EFCAB6: variants seen among roughly 807,000 people sequenced by gnomAD.
EFCAB6 encodes the protein EF-hand calcium-binding domain-containing protein 6.
Under a neutral mutation model 169.8 loss-of-function variants are expected in EFCAB6, and 156 were observed. That is an observed-to-expected ratio of 0.92 (90% CI 0.81 to 1.05). The LOEUF (loss-of-function observed/expected upper bound fraction) is 1.05. Among genes scored for constraint, EFCAB6 ranks in the 50% least tolerant of loss-of-function variants. The pLI, the probability that EFCAB6 is intolerant of heterozygous loss-of-function variation, is 0.00. For missense variants in EFCAB6, 1,800 were observed against 1,829.1 expected, an observed-to-expected ratio of 0.98 and a Z score of 0.29; for synonymous variants, 698 against 676.4, an observed-to-expected ratio of 1.03 and a Z score of -0.50.
chr22:43,674,114 TA>T (rs1402203621), intron 13 of EFCAB6, among the ~76,000 whole-genome samples: 1 of 152,164 alleles, frequency 6.6e-6, no homozygotes, highest in Non-Finnish European at 1.5e-5. Flanking sequence ...AAGCTGTTTT[TA>T]AAAAACAGAA....
intron 22 of EFCAB6, among the ~76,000 whole-genome samples, chr22:43,607,163 G>A (rs1190340802): frequency 6.6e-6 from 1 of 152,138 alleles, no homozygotes; most frequent in African/African-American, 2.4e-5. Flanking sequence ...CTTCCTTTCT[G>A]ACCCTGGGAG....
intron 27 of EFCAB6, among the ~76,000 whole-genome samples, chr22:43,541,774 G>A (rs1435524352): frequency 6.6e-6 from 1 of 152,194 alleles, no homozygotes; most frequent in Non-Finnish European, 1.5e-5. Flanking sequence ...CCCATGTGGT[G>A]CCAAAACCAC....
intron 30 of EFCAB6, among the ~76,000 whole-genome samples, chr22:43,532,580 C>CTTTTTTT (rs34388230): frequency 6.8e-6 from 1 of 146,244 alleles, no homozygotes. Flanking sequence ...TGTCTAAAGT[C>CTTTTTTT]TTTTTTTTTT....
At position 43,648,904 on chromosome 22, in the gene EFCAB6, G is replaced by A. The variant is rs536115245; in HGVS notation, c.1984-13688C>T. 4.6e-5 allele frequency among the ~76,000 whole-genome samples: 7 copies of A among 152,288 alleles called. No homozygotes were observed. The East Asian group carries it at 1.4e-3, about 29-fold the overall frequency. On this transcript the variant is annotated intron_variant, in intron 17 of 31. Coordinates refer to ENST00000262726, the MANE Select transcript of EFCAB6 (RefSeq NM_022785.4). Reference sequence around the variant, plus strand: ...GGCACTGATTTAGATGCTAGAGATAGGGCAGAGGATGAGAAAGACAAAGCT... The same window carrying A: ...GGCACTGATTTAGATGCTAGAGATAAGGCAGAGGATGAGAAAGACAAAGCT...
chr22:43,749,538 GCAACGTAGA>G (rs1303558826), intron 6 of EFCAB6, among the ~76,000 whole-genome samples: 1 of 152,106 alleles, frequency 6.6e-6, no homozygotes, highest in Non-Finnish European at 1.5e-5. Context: ...TAAGGAGCGT[GCAACGTAGA>G]TCCTCGCATG....
chr22:43,731,859 G>T, intron 7 of EFCAB6, 48 bp from the exon 8 acceptor site: 1 of 1,267,058 alleles, frequency 7.9e-7, no homozygotes, highest in South Asian at 1.6e-5. Context: ...AATCTAAAAT[G>T]AAGCAAGTTT....
At chr22:43,564,467 A>G (rs893984796) in intron 26 of EFCAB6, among the ~76,000 whole-genome samples, 2 of 151,750 alleles carry the variant, frequency 1.3e-5, no homozygotes, top group African/African-American at 2.4e-5. Context: ...AAGAAAAAAA[A>G]AAAAAGAAGG....
intron 6 of EFCAB6, among the ~76,000 whole-genome samples, chr22:43,748,495 G>A (rs1324553322): frequency 3.9e-5 from 6 of 152,088 alleles, no homozygotes; most frequent in African/African-American, 1.4e-4. Context: ...CATCCTCAAC[G>A]TGCATTGCAA....
Position 43,558,411 on chromosome 22 carries a change from A to AT in EFCAB6, c.3421-3316dup, listed in dbSNP as rs57234106. Among the ~76,000 whole-genome samples the AT allele has an allele frequency of 4.5e-3, 667 of 147,206 alleles. 4 individuals carry two copies. Among genetic ancestry groups the AT allele is most frequent in the Middle Eastern group, 0.025 (7 of 280 alleles). ...GGTACATATGACACAGGCATACCTCATTTTTTTTTTTGCGCTTTGCTTTAT... is the reference window on the plus strand; with the variant it reads ...GGTACATATGACACAGGCATACCTCATTTTTTTTTTTTGCGCTTTGCTTTAT... On this transcript the variant is annotated intron_variant, in intron 26 of 31. Coordinates refer to ENST00000262726, the MANE Select transcript of EFCAB6 (RefSeq NM_022785.4).
chr22:43,623,378 A>G (rs1160657194), intron 20 of EFCAB6, among the ~76,000 whole-genome samples: 2 of 152,058 alleles, frequency 1.3e-5, no homozygotes, highest in East Asian at 1.9e-4. Flanking sequence ...GAAGAAGTAG[A>G]AAAAAAAGGA....
rs186525329 is a variant in EFCAB6, at chr22:43,616,633, C to A, written c.2466-711G>T. ...GAGCTGAGATTCGTGCCATTGCACT[C>A]CAGCCTGGGGGAGAGCACGAGACTC... On this transcript the variant is annotated intron_variant, in intron 20 of 31. Transcript: ENST00000262726. Among the ~76,000 whole-genome samples the A allele has an allele frequency of 5.3e-4, 81 of 152,224 alleles. 1 individual carries two copies. Among genetic ancestry groups the A allele is most frequent in the Admixed American group, 4.7e-3 (72 of 15,292 alleles).
At chr22:43,641,829 G>A (rs1386846284) in intron 17 of EFCAB6, among the ~76,000 whole-genome samples, 1 of 152,140 alleles carries the variant, frequency 6.6e-6, no homozygotes, top group Non-Finnish European at 1.5e-5. Context: ...ACTTAGCAAA[G>A]TTCTCTTCTG....
intron 21 of EFCAB6, among the ~76,000 whole-genome samples, chr22:43,614,824 A>G (rs1411427307): frequency 6.6e-6 from 1 of 151,088 alleles, no homozygotes. Context: ...ACAGTGCAGC[A>G]AGTCCTGTCT....
At chr22:43,803,090 G>A (rs750047065) in intron 2 of EFCAB6, among the ~76,000 whole-genome samples, 1 of 152,096 alleles carries the variant, frequency 6.6e-6, no homozygotes, top group Non-Finnish European at 1.5e-5. Context: ...TTATTTTTAT[G>A]TCCTCTTTTC....
chr22:43,772,853 T>C, intron 4 of EFCAB6, 39 bp downstream of exon 4: 2 of 1,606,256 alleles, frequency 1.2e-6, no homozygotes, highest in Non-Finnish European at 1.7e-6. Flanking sequence ...TCAGCTTGTC[T>C]GGAATTGAGG....
intron 8 of EFCAB6, among the ~76,000 whole-genome samples, chr22:43,721,646 G>T (rs2059530067): frequency 6.6e-6 from 1 of 152,268 alleles, no homozygotes; most frequent in South Asian, 2.1e-4. Context: ...AATGGAGGAA[G>T]TTCTCCCTAT....
chr22:43,595,016 T>C (rs2051887375), intron 23 of EFCAB6, among the ~76,000 whole-genome samples: 1 of 151,980 alleles, frequency 6.6e-6, no homozygotes, highest in South Asian at 2.1e-4. Context: ...AACAACATGC[T>C]CCTGAATGAC....
intron 20 of EFCAB6, among the ~76,000 whole-genome samples, chr22:43,623,801 T>C (rs1355570839): frequency 6.9e-6 from 1 of 145,954 alleles, no homozygotes; most frequent in Admixed American, 6.9e-5. Flanking sequence ...CCCAGCTACT[T>C]GGGAGGCTGA....
intron 10 of EFCAB6, among the ~76,000 whole-genome samples, chr22:43,692,204 G>A (rs538807357): frequency 6.6e-6 from 1 of 152,248 alleles, no homozygotes; most frequent in African/African-American, 2.4e-5. Context: ...GATCAGAGCT[G>A]CCACCCAAGA....
Sources: gnomAD v4.1 joint callset for allele counts (sites outside exome capture counted in the v4.1 genomes callset) on GRCh38, gnomAD v4.1.1 for gene constraint, MANE v1.5 for transcripts, NCBI Gene and HGNC (gene_info 2026-07-23, HGNC 2026-07-21) for gene names.